The following CEP350 variants were observed in gnomAD, a reference collection of about 807,000 sequenced individuals.
The protein encoded by CEP350 is centrosomal protein 350.
CEP350 carries 126 observed loss-of-function variants against 331.8 expected under a neutral mutation model. The ratio of observed to expected loss-of-function variants is 0.38; its 90% confidence interval spans 0.33 to 0.44. The LOEUF is 0.44. Ranked by LOEUF, CEP350 falls within the 20% of genes least tolerant of loss-of-function variation. The pLI, the probability that CEP350 is intolerant of heterozygous loss-of-function variation, is 1.00. For synonymous variants in CEP350, 1,200 were observed against 1,259.5 expected, an observed-to-expected ratio of 0.95 and a Z score of 1.00; for missense variants, 3,406 against 3,634.6, an observed-to-expected ratio of 0.94 and a Z score of 1.62.
intron 16 of CEP350, among the ~76,000 whole-genome samples, chr1:180,035,769 T>C (rs1233248345): frequency 6.6e-6 from 1 of 152,248 alleles, no homozygotes; most frequent in African/African-American, 2.4e-5. Flanking sequence ...AGAGCTCTGA[T>C]GGTCATAAAA....
chr1:180,087,090 A>G (rs1444570714), intron 31 of CEP350: 1 of 152,204 alleles, frequency 6.6e-6, no homozygotes, highest in African/African-American at 2.4e-5. Flanking sequence ...AATAACCAGG[A>G]AACTTTTTTT....
At chr1:180,019,209 A>G (rs1655164783) in intron 11 of CEP350, among the ~76,000 whole-genome samples, 1 of 152,228 alleles carries the variant, frequency 6.6e-6, no homozygotes, top group Non-Finnish European at 1.5e-5. Flanking sequence ...ATCTCTCTGT[A>G]GTATCCCTTA....
intron 14 of CEP350, 27 bp downstream of exon 14, chr1:180,024,609 T>G: frequency 6.3e-7 from 1 of 1,579,484 alleles, no homozygotes; most frequent in Non-Finnish European, 8.6e-7. Context: ...ATGGTAACTT[T>G]TTCTCTTACC....
At chr1:180,067,012 A>G (rs1232807538) in intron 27 of CEP350, among the ~76,000 whole-genome samples, 2 of 152,124 alleles carry the variant, frequency 1.3e-5, no homozygotes, top group African/African-American at 4.8e-5. Flanking sequence ...ATGATATCCT[A>G]ATTTAACCAC....
At chr1:180,089,415 T>G (rs541339563) in intron 32 of CEP350, among the ~76,000 whole-genome samples, 1 of 152,052 alleles carries the variant, frequency 6.6e-6, no homozygotes, top group Non-Finnish European at 1.5e-5. Flanking sequence ...AAACCCCATC[T>G]CTACTAAAAC....
intron 7 of CEP350, among the ~76,000 whole-genome samples, chr1:180,005,749 C>T (rs565393066): frequency 6.6e-6 from 1 of 152,230 alleles, no homozygotes; most frequent in East Asian, 1.9e-4. Flanking sequence ...TCCTACTAAT[C>T]TTCTCTTTTT....
chr1:180,075,793 A>G (rs754359045), intron 28 of CEP350, among the ~76,000 whole-genome samples: 42 of 151,796 alleles, frequency 2.8e-4, no homozygotes, highest in Non-Finnish European at 5.4e-4. Flanking sequence ...CGTCTCTACT[A>G]AAATACAAAG....
chr1:180,014,424 A>G lies in CEP350; in HGVS notation c.1971A>G (p.Leu657=), dbSNP rs147075377. The G allele has an allele frequency of 4.4e-5, 70 of 1,608,854 alleles. No homozygotes were observed. The East Asian group carries it at 1.6e-3, about 36-fold the overall frequency. Reference sequence around the variant, plus strand: ...CTGAGCCATCAGCAACTAGGCGACTACAGGAAACTTACTCCAAATTGCTAC... The same window carrying G: ...CTGAGCCATCAGCAACTAGGCGACTGCAGGAAACTTACTCCAAATTGCTAC... ...PPSEPSATRR[L]QETYSKLLLE... Residue 657 remains leucine, a synonymous_variant, in exon 10 of 38, where the codon CTA becomes CTG. Transcript: ENST00000367607.
chr1:180,007,005 A>G lies in CEP350; in HGVS notation c.1246+438A>G, dbSNP rs201458188. Among the ~76,000 whole-genome samples the G allele has an allele frequency of 1.7e-4, 26 of 152,294 alleles. No individual in the cohort carries two copies. The East Asian group carries it at 4.4e-3, about 26-fold the overall frequency. ...GTGTCACATTTTCTTAATCCAGTCAATCATTGATGGGCATTTGGGTTGGTT... is the reference window on the plus strand; with the variant it reads ...GTGTCACATTTTCTTAATCCAGTCAGTCATTGATGGGCATTTGGGTTGGTT... On this transcript the variant is annotated intron_variant, in intron 8 of 37. Coordinates refer to ENST00000367607, the MANE Select transcript of CEP350 (RefSeq NM_014810.5).
intron 13 of CEP350, 81 bp from the exon 14 acceptor site, chr1:180,024,338 A>T: frequency 7.8e-7 from 1 of 1,279,258 alleles, no homozygotes; most frequent in Non-Finnish European, 1.1e-6. Context: ...CCTAGTGATT[A>T]CATAGATTTT....
intron 9 of CEP350, among the ~76,000 whole-genome samples, chr1:180,012,606 A>G (rs1654729803): frequency 6.6e-6 from 1 of 152,206 alleles, no homozygotes; most frequent in South Asian, 2.1e-4. Flanking sequence ...TATTTCAAAT[A>G]ACTACTTTTT....
intron 5 of CEP350, among the ~76,000 whole-genome samples, chr1:179,995,774 A>C (rs1377148520): frequency 6.6e-6 from 1 of 152,198 alleles, no homozygotes; most frequent in East Asian, 1.9e-4. Context: ...GATTTTCTAG[A>C]TACGCTTTAC....
chr1:179,988,256 C>G (rs1275379368), intron 3 of CEP350, among the ~76,000 whole-genome samples: 2 of 149,028 alleles, frequency 1.3e-5, no homozygotes, highest in Non-Finnish European at 3.0e-5. Context: ...ATGATCACAC[C>G]ACTGCATTCT....
chr1:180,043,060 C>T lies in CEP350; in HGVS notation c.4367C>T (p.Ala1456Val). Reference sequence around the variant, plus strand: ...CTTGTGTGTGTTCATGTTTAGATGGCAGAGTTGACTAGAACTCATATCTCA... The same window carrying T: ...CTTGTGTGTGTTCATGTTTAGATGGTAGAGTTGACTAGAACTCATATCTCA... ...TDAARQICEMAELTRTHISDA... is the reference protein window; with the variant it reads ...TDAARQICEMVELTRTHISDA... The change falls in exon 20 of 38, where the codon GCA (alanine) becomes GTA (valine). Residue 1456 changes from alanine (A) to valine (V), a missense_variant. Coordinates refer to ENST00000367607, the MANE Select transcript of CEP350 (RefSeq NM_014810.5). The T allele has an allele frequency of 6.2e-7, 1 of 1,611,582 alleles. No individual in the cohort carries two copies. Among genetic ancestry groups the T allele is most frequent in the South Asian group, 1.1e-5 (1 of 90,718 alleles).
intron 32 of CEP350, among the ~76,000 whole-genome samples, chr1:180,088,421 CAAAAA>C (rs10556094): frequency 7.0e-6 from 1 of 142,532 alleles, no homozygotes. Context: ...TGACTAAAAG[CAAAAA>C]AAAAAAAAAA....
intron 20 of CEP350, 112 bp downstream of exon 20, chr1:180,043,304 T>C (rs1656891727): frequency 9.3e-6 from 12 of 1,289,788 alleles, no homozygotes; most frequent in Non-Finnish European, 1.0e-5. Flanking sequence ...TGGTTGAGAA[T>C]ACAGTTATGG....
intron 37 of CEP350, among the ~76,000 whole-genome samples, chr1:180,109,409 C>T (rs539578716): frequency 2.6e-5 from 4 of 152,162 alleles, no homozygotes; most frequent in South Asian, 4.1e-4. Flanking sequence ...TGAGCCACCG[C>T]GCTCGGCCCA....
chr1:179,993,168 C>T (rs1474779845), intron 5 of CEP350, among the ~76,000 whole-genome samples: 6 of 150,078 alleles, frequency 4.0e-5, no homozygotes, highest in African/African-American at 7.4e-5. Context: ...TCACTAGTAT[C>T]GAAGCACTAG....
chr1:180,055,584 T>G (rs1043401128), intron 25 of CEP350, among the ~76,000 whole-genome samples: 3 of 125,738 alleles, frequency 2.4e-5, no homozygotes, highest in Admixed American at 2.1e-4. Context: ...ACAGTCTCGC[T>G]CTTTTACCCA....
Sources: allele counts gnomAD v4.1 joint callset (sites outside exome capture counted in the v4.1 genomes callset), GRCh38; gene constraint gnomAD v4.1.1; transcripts MANE v1.5; gene names NCBI Gene and HGNC (gene_info 2026-07-23, HGNC 2026-07-21).